ZDHHC7: variants seen among roughly 807,000 people sequenced by gnomAD.
ZDHHC7 encodes zDHHC palmitoyltransferase 7.
A neutral mutation model predicts 34.1 loss-of-function variants in ZDHHC7; 12 were observed. The ratio of observed to expected loss-of-function variants is 0.35; its 90% confidence interval spans 0.23 to 0.57. The LOEUF (loss-of-function observed/expected upper bound fraction) is 0.57, where lower values mean the gene tolerates loss of function less well. Ranked by LOEUF, ZDHHC7 falls within the 20% of genes least tolerant of loss-of-function variation. The pLI is 0.84. For synonymous variants in ZDHHC7, 185 were observed against 155.4 expected (o/e 1.19, Z -1.42); for missense variants, 388 against 402.7 (o/e 0.96, Z 0.31).
chr16:85,012,085 G>A (rs2072802252), upstream of ZDHHC7, among the ~76,000 whole-genome samples: 1 of 152,114 alleles, frequency 6.6e-6, no homozygotes, highest in African/African-American at 2.4e-5. Context: ...TTGAAAGTAG[G>A]AACATGTATT....
At chr16:85,014,789 A>G (rs2072827472), upstream of ZDHHC7, among the ~76,000 whole-genome samples, 1 of 152,166 alleles carries the variant, frequency 6.6e-6, no homozygotes, top group South Asian at 2.1e-4. Flanking sequence ...GGATTCTGAG[A>G]ACATTCCCAA....
chr16:85,023,772 C>T, the ZDHHC7 span, among the ~76,000 whole-genome samples: 4 of 152,100 alleles, frequency 2.6e-5, no homozygotes, highest in Non-Finnish European at 5.9e-5. Flanking sequence ...GCATGCGCCA[C>T]CATGCCCAGC....
intron 3 of ZDHHC7, among the ~76,000 whole-genome samples, chr16:84,988,243 CG>C (rs1567497224): frequency 6.6e-6 from 1 of 151,316 alleles, no homozygotes; most frequent in African/African-American, 2.4e-5. Flanking sequence ...CAGAGGGCGT[CG>C]GGTGGTGGGG....
chr16:84,995,776 G>C (rs1446897032), intron 2 of ZDHHC7, 146 bp downstream of exon 2: 1 of 152,256 alleles, frequency 6.6e-6, no homozygotes, highest in Non-Finnish European at 1.5e-5. Flanking sequence ...CCGGAAGGCA[G>C]CGGGTGAAAA....
intron 2 of ZDHHC7, among the ~76,000 whole-genome samples, chr16:84,994,241 G>A (rs1263871617): frequency 6.6e-6 from 1 of 152,230 alleles, no homozygotes; most frequent in Admixed American, 6.5e-5. Flanking sequence ...TTTGCTAAAA[G>A]GCAGATGCAA....
rs1440381866 is a variant in ZDHHC7 at position 85,009,204 on chromosome 16, TTTTC to T, written c.-104+2078_-104+2081del. On this transcript the variant is annotated intron_variant, in intron 1 of 7. Transcript: ENST00000313732. Reference sequence around the variant, plus strand: ...CTACATGAACTTATTTCTACACCCATTTTCTTTGTTAATTTAACAAAGATTGTAT... The same window carrying T: ...CTACATGAACTTATTTCTACACCCATTTTGTTAATTTAACAAAGATTGTAT... 3.3e-5 allele frequency among the ~76,000 whole-genome samples: 5 copies of T among 152,176 alleles called. No individual in the cohort carries two copies. The East Asian group carries it at 9.6e-4, about 29-fold the overall frequency.
the ZDHHC7 span, among the ~76,000 whole-genome samples, chr16:85,017,731 G>A: frequency 6.6e-6 from 1 of 152,206 alleles, no homozygotes; most frequent in Admixed American, 6.5e-5. Context: ...CCCAGCTGGT[G>A]TCCAGGCTCT....
chr16:84,977,883 A>T (rs1315584584), intron 6 of ZDHHC7, 41 bp downstream of exon 6: 2 of 1,512,296 alleles, frequency 1.3e-6, no homozygotes, highest in Non-Finnish European at 9.1e-7. Flanking sequence ...ATCCAATAAC[A>T]GCATGCAAAG....
chr16:85,025,596 G>T, the ZDHHC7 span, among the ~76,000 whole-genome samples: 1 of 152,124 alleles, frequency 6.6e-6, no homozygotes, highest in Non-Finnish European at 1.5e-5. Flanking sequence ...TTTTAGTAGA[G>T]ACCAGGTTTC....
chr16:84,980,782 C>A (rs1213736812), intron 4 of ZDHHC7, among the ~76,000 whole-genome samples: 1 of 152,216 alleles, frequency 6.6e-6, no homozygotes, highest in Non-Finnish European at 1.5e-5. Context: ...AATTTTTGAA[C>A]ATTCCCACCA....
At chr16:84,988,421 A>G (rs1404332792) in intron 3 of ZDHHC7, among the ~76,000 whole-genome samples, 1 of 152,164 alleles carries the variant, frequency 6.6e-6, no homozygotes, top group Non-Finnish European at 1.5e-5. Context: ...ATCTCAATCA[A>G]AACACCCCTG....
Position 84,975,938 on chromosome 16 carries a change from T to G in ZDHHC7, c.*405A>C, listed in dbSNP as rs907606821. On this transcript the variant is annotated 3_prime_UTR_variant, in exon 8 of 8. Coordinates refer to ENST00000313732, the MANE Select transcript of ZDHHC7 (RefSeq NM_017740.3). ...GTGATCCGGGGAGTGCACTGCTGAG[T>G]GGCGGGGTCAGCAGGAGCCCCCTGA... 17 of 208,792 alleles carry G rather than the reference T, an allele frequency of 8.1e-5. No individual in the cohort carries two copies. The highest frequency in any genetic ancestry group is 3.3e-4 in the Admixed American group (6 of 18,116). 12.9% of individuals were successfully genotyped at this position (208,792 alleles called of 1,614,324 possible).
chr16:84,997,849 C>T (rs377009232), intron 1 of ZDHHC7, among the ~76,000 whole-genome samples: 34 of 133,648 alleles, frequency 2.5e-4, no homozygotes, highest in Non-Finnish European at 4.0e-4. Flanking sequence ...GCCGAGATGG[C>T]GCCACTGCAC....
the ZDHHC7 span, among the ~76,000 whole-genome samples, chr16:85,022,637 G>C: frequency 2.0e-5 from 3 of 152,026 alleles, no homozygotes; most frequent in African/African-American, 7.3e-5. Context: ...GAAAGATAGG[G>C]TATCTAAATA....
At chr16:84,978,566 T>C (rs561950580) in intron 5 of ZDHHC7, among the ~76,000 whole-genome samples, 35 of 151,472 alleles carry the variant, frequency 2.3e-4, no homozygotes, top group African/African-American at 8.5e-4. Context: ...AAACCCCGTC[T>C]ATAAAAAAAT....
chr16:85,014,645 C>T (rs2072826934), upstream of ZDHHC7, among the ~76,000 whole-genome samples: 1 of 152,166 alleles, frequency 6.6e-6, no homozygotes, highest in Non-Finnish European at 1.5e-5. Context: ...GTCTCCAGGG[C>T]TTAACTTACC....
chr16:84,997,791 G>A (rs999630749), intron 1 of ZDHHC7, among the ~76,000 whole-genome samples: 3 of 148,952 alleles, frequency 2.0e-5, no homozygotes, highest in African/African-American at 7.4e-5. Flanking sequence ...TACTCGGGAG[G>A]CTGAGGCAGG....
the ZDHHC7 span, among the ~76,000 whole-genome samples, chr16:85,023,173 T>A: frequency 6.6e-6 from 1 of 150,908 alleles, no homozygotes; most frequent in Non-Finnish European, 1.5e-5. Flanking sequence ...CTTTTCTTTT[T>A]TTTTTTTTTT....
chr16:85,023,364 C>T, the ZDHHC7 span, among the ~76,000 whole-genome samples: 1 of 152,010 alleles, frequency 6.6e-6, no homozygotes, highest in African/African-American at 2.4e-5. Flanking sequence ...AGGGTTTCAC[C>T]GTGTTGGCCA....
Sources: allele counts gnomAD v4.1 joint callset (sites outside exome capture counted in the v4.1 genomes callset), GRCh38; gene constraint gnomAD v4.1.1; transcripts MANE v1.5; gene names NCBI Gene and HGNC (gene_info 2026-07-23, HGNC 2026-07-21).